The following KIF2A variants were observed in gnomAD, a reference collection of about 807,000 sequenced individuals.
The protein encoded by KIF2A is kinesin-like protein KIF2A.
In KIF2A, 22 loss-of-function variants were observed where a neutral mutation model predicts 100.2. The ratio of observed to expected loss-of-function variants is 0.22; its 90% CI spans 0.16 to 0.31. The LOEUF is 0.31. Among genes scored for constraint, KIF2A ranks in the 10% least tolerant of loss-of-function variants. The pLI, the probability that KIF2A is intolerant of heterozygous loss-of-function variation, is 1.00. For missense variants in KIF2A, 495 were observed against 898.7 expected (o/e 0.55, Z 5.74); for synonymous variants, 268 against 285.9 (o/e 0.94, Z 0.63).
intron 1 of KIF2A, among the ~76,000 whole-genome samples, chr5:62,330,541 T>C (rs1467659527): frequency 6.6e-6 from 1 of 152,182 alleles, no homozygotes; most frequent in African/African-American, 2.4e-5. Context: ...TGTATTTTAC[T>C]CATCTTCTGG....
At chr5:62,310,194 C>T (rs192853159) in intron 1 of KIF2A, among the ~76,000 whole-genome samples, 402 of 151,800 alleles carry the variant, frequency 2.6e-3, no homozygotes, top group Non-Finnish European at 4.7e-3. Flanking sequence ...GCTGGGACTA[C>T]AGGTGTGTGC....
chr5:62,319,303 G>T (rs948716756), intron 1 of KIF2A, among the ~76,000 whole-genome samples: 18 of 152,122 alleles, frequency 1.2e-4, no homozygotes. Context: ...TACTTCTGTT[G>T]CCCTTTTTAT....
chr5:62,312,060 A>G (rs1745577559), intron 1 of KIF2A, among the ~76,000 whole-genome samples: 1 of 152,196 alleles, frequency 6.6e-6, no homozygotes, highest in Non-Finnish European at 1.5e-5. Context: ...GTGAAGTTGT[A>G]TACTTTAGTA....
chr5:62,330,434 C>T (rs1333994020), intron 1 of KIF2A, among the ~76,000 whole-genome samples: 3 of 152,104 alleles, frequency 2.0e-5, no homozygotes, highest in African/African-American at 4.8e-5. Context: ...AAGGTTTTAC[C>T]ATCAATGTGT....
In KIF2A at chr5:62,386,919, G is replaced by A. The variant is rs1429117518; in HGVS notation, c.*1350G>A. Among the ~76,000 whole-genome samples the A allele has an allele frequency of 1.3e-5, 2 of 152,180 alleles. No individual in the cohort carries two copies. The highest frequency in any genetic ancestry group is 2.9e-5 in the Non-Finnish European group (2 of 68,036). The stretch of plus-strand genomic sequence containing the variant: ...GTTTTCCCTCAGTTCCCAGGATGGG[G>A]TCCAGGAGTAGATTAACAGCTAAAA... On this transcript the variant is annotated 3_prime_UTR_variant, in exon 21 of 21. Transcript: ENST00000407818.
At chr5:62,322,808 C>G (rs1448958287) in intron 1 of KIF2A, among the ~76,000 whole-genome samples, 3 of 149,404 alleles carry the variant, frequency 2.0e-5, no homozygotes, top group Non-Finnish European at 4.4e-5. Flanking sequence ...TTAAGAGATG[C>G]ATGGGAAATA....
At chr5:62,311,490 G>T (rs1745550516) in intron 1 of KIF2A, among the ~76,000 whole-genome samples, 1 of 152,184 alleles carries the variant, frequency 6.6e-6, no homozygotes, top group Non-Finnish European at 1.5e-5. Flanking sequence ...GGCAATTGAA[G>T]ATTTCAAAGG....
intron 12 of KIF2A, 81 bp downstream of exon 12, chr5:62,362,622 C>G: frequency 3.6e-6 from 2 of 555,120 alleles, no homozygotes; most frequent in Non-Finnish European, 5.8e-6. Flanking sequence ...TTTTTAAGTT[C>G]AGTGGCATTA....
rs757114780 is a variant in KIF2A, at chr5:62,372,441, A to G, written c.1650A>G (p.Val550=). Residue 550 remains valine, a synonymous_variant, in exon 17 of 21, where the codon GTA becomes GTG. Transcript: ENST00000407818. ...TLNTLRYANR[V]KEFGISPSDI... is the part of the protein sequence containing the mutation. ...TGTTGCTCTTTTGGTGCTGCAGAGT[A>G]AAGGAGTTTGGAATTAGTCCATCAG... 1.8e-5 allele frequency: 29 copies of G among 1,584,762 alleles called. No homozygotes were observed. The highest frequency in any genetic ancestry group is 2.4e-5 in the Non-Finnish European group (28 of 1,154,222).
intron 16 of KIF2A, among the ~76,000 whole-genome samples, chr5:62,366,812 C>A (rs895452531): frequency 2.8e-5 from 4 of 144,984 alleles, no homozygotes; most frequent in African/African-American, 1.0e-4. Flanking sequence ...GCCTGGGCAA[C>A]AGAGTGAGAC....
intron 1 of KIF2A, 69 bp from the exon 2 acceptor site, chr5:62,347,061 G>T: frequency 2.6e-6 from 2 of 771,796 alleles, no homozygotes; most frequent in Non-Finnish European, 4.2e-6. Flanking sequence ...TTATAAAATT[G>T]TATTTCACAG....
At position 62,388,027 on chromosome 5, in the gene KIF2A, C is replaced by T. The variant is rs1742120786; in HGVS notation, c.*2458C>T. ...TAACTCTATTATAGTATATTAACAGCACTTAGTATTATATTGACTTAAACA... is the reference window on the plus strand; with the variant it reads ...TAACTCTATTATAGTATATTAACAGTACTTAGTATTATATTGACTTAAACA... On this transcript the variant is annotated 3_prime_UTR_variant, in exon 21 of 21. Coordinates refer to ENST00000407818, the MANE Select transcript of KIF2A (RefSeq NM_001098511.3). 6.6e-6 allele frequency: 1 copy of T among 151,934 alleles called. No homozygotes were observed. Among genetic ancestry groups the T allele is most frequent in the African/African-American group, 2.4e-5 (1 of 41,368 alleles). The allele number at this position is 151,934 out of a possible 1,614,324, so 9.4% of individuals were successfully genotyped here.
chr5:62,308,458 C>A, intron 1 of KIF2A: 1 of 897,572 alleles, frequency 1.1e-6, no homozygotes. Context: ...GCGTTCATTG[C>A]AGCATTATTC....
At position 62,365,353 on chromosome 5, in the gene KIF2A, G is replaced by T; in HGVS notation, c.1578G>T (p.Met526Ile). ...TAGGTGAAAACTCTCGTACCTGCATGGTAAGTTTATGTTTATTTTTTGTTT... is the reference window on the plus strand; with the variant it reads ...TAGGTGAAAACTCTCGTACCTGCATTGTAAGTTTATGTTTATTTTTTGTTT... ...SFIGENSRTC[M>I]IATISPGMAS... Residue 526 changes from methionine to isoleucine, a missense_variant and splice_region_variant, in exon 15 of 21, where the codon ATG (methionine) becomes ATT (isoleucine). Met to Ile is a conservative substitution (Grantham distance 10, BLOSUM62 1). Around this residue, in one of 10 missense-constraint regions of KIF2A, gnomAD observed 100 missense variants for 138.2 expected, o/e 0.72. Transcript: ENST00000407818. 1 of 1,463,318 alleles carries T rather than the reference G, an allele frequency of 6.8e-7. No individual in the cohort carries two copies. Among genetic ancestry groups the T allele is most frequent in the Non-Finnish European group, 9.5e-7 (1 of 1,058,110 alleles). The allele number at this position is 1,463,318 out of a possible 1,614,324, so 90.6% of individuals were successfully genotyped here.
intron 1 of KIF2A, chr5:62,311,748 T>G (rs1351742701): frequency 6.6e-6 from 1 of 152,230 alleles, no homozygotes; most frequent in African/African-American, 2.4e-5. Flanking sequence ...TAGGGGCATT[T>G]GTGACCTAAT....
chr5:62,326,358 G>A (rs993804833), intron 1 of KIF2A, among the ~76,000 whole-genome samples: 1 of 151,874 alleles, frequency 6.6e-6, no homozygotes, highest in Non-Finnish European at 1.5e-5. Context: ...CTCATTCCTT[G>A]AGGATGTTTG....
rs1051409475 is a variant in KIF2A at position 62,330,072 on chromosome 5, C to T, written c.65-17058C>T. ...AATTATTATTTAAGAAAAATGGGGC[C>T]GGGCACAGTGGCTTATGCCTGTAGA... On this transcript the variant is annotated intron_variant, in intron 1 of 20. Coordinates refer to ENST00000407818, the MANE Select transcript of KIF2A (RefSeq NM_001098511.3). 3.9e-5 allele frequency among the ~76,000 whole-genome samples: 6 copies of T among 152,184 alleles called. No individual in the cohort carries two copies. In the East Asian group the frequency reaches 7.7e-4, roughly 20 times the overall value.
chr5:62,369,156 C>T, intron 16 of KIF2A, among the ~76,000 whole-genome samples: 1 of 152,140 alleles, frequency 6.6e-6, no homozygotes, highest in East Asian at 1.9e-4. Context: ...ATGTTTTAAC[C>T]TACTGTTATA....
At position 62,357,870 on chromosome 5, in the gene KIF2A, T is replaced by C. The variant is rs989052245; in HGVS notation, c.709+125T>C. On this transcript the variant is annotated intron_variant, in intron 8 of 20. Transcript: ENST00000407818. ...ATTTCCTTTGATTTGTATGTAACCA[T>C]TATGCAGATTTCTATGGCTAAACTT... is the stretch of plus-strand genomic sequence containing the variant. The C allele has an allele frequency of 2.7e-5, 18 of 671,892 alleles. No individual in the cohort carries two copies. In the African/African-American group the frequency reaches 3.2e-4, roughly 12 times the overall value. The allele number at this position is 671,892 out of a possible 1,614,324, so 41.6% of individuals were successfully genotyped here.
Sources: allele counts gnomAD v4.1 joint callset (sites outside exome capture counted in the v4.1 genomes callset), GRCh38; gene constraint gnomAD v4.1.1; regional missense constraint gnomAD v4.1.1; transcripts MANE v1.5; gene names NCBI Gene and HGNC (gene_info 2026-07-23, HGNC 2026-07-21).